The following CAST variants were observed in gnomAD, a reference collection of about 807,000 sequenced individuals.
CAST encodes calpastatin, also known as MIR583 host.
In CAST, 76 loss-of-function variants were observed where a neutral mutation model predicts 119.6. The ratio of observed to expected loss-of-function variants is 0.64; its 90% confidence interval spans 0.53 to 0.77. CAST has a LOEUF of 0.77. Among genes scored for constraint, CAST ranks in the 30% least tolerant of loss-of-function variants. The pLI is 0.00. For missense variants in CAST, 953 were observed against 946.5 expected, an observed-to-expected ratio of 1.01 and a Z score of -0.09; for synonymous variants, 319 against 331.6, an observed-to-expected ratio of 0.96 and a Z score of 0.41.
At chr5:96,074,115 C>G in the CAST span, among the ~76,000 whole-genome samples, 7 of 152,288 alleles carry the variant, frequency 4.6e-5, no homozygotes, top group South Asian at 2.1e-4. Flanking sequence ...CTAGTGAACA[C>G]CATGGAAGAG....
At chr5:96,326,895 A>G in the CAST span, among the ~76,000 whole-genome samples, 1 of 152,076 alleles carries the variant, frequency 6.6e-6, no homozygotes. Context: ...TCAGGGGCCA[A>G]TTTGTTACTT....
At chr5:96,621,012 C>T (rs1023998892) in intron 1 of CAST, among the ~76,000 whole-genome samples, 1 of 152,200 alleles carries the variant, frequency 6.6e-6, no homozygotes, top group Non-Finnish European at 1.5e-5. Flanking sequence ...TCTTAACTCT[C>T]CTCTTCTGAA....
chr5:96,252,901 G>A, the CAST span, among the ~76,000 whole-genome samples: 1 of 152,088 alleles, frequency 6.6e-6, no homozygotes, highest in South Asian at 2.1e-4. Flanking sequence ...CAGAATGACT[G>A]GAGTCTGACA....
the CAST span, among the ~76,000 whole-genome samples, chr5:96,099,761 A>C: frequency 5.9e-5 from 9 of 152,172 alleles, no homozygotes; most frequent in Non-Finnish European, 1.2e-4. Flanking sequence ...ATTGATGTTC[A>C]TCAAGGATAT....
At chr5:96,758,207 A>C (rs1766766723) in intron 24 of CAST, among the ~76,000 whole-genome samples, 1 of 152,176 alleles carries the variant, frequency 6.6e-6, no homozygotes, top group Non-Finnish European at 1.5e-5. Context: ...TTTAAATGTA[A>C]GCTTATCCAA....
chr5:96,642,467 T>A (rs977396022), intron 1 of CAST, among the ~76,000 whole-genome samples: 3 of 151,992 alleles, frequency 2.0e-5, no homozygotes, highest in Non-Finnish European at 4.4e-5. Context: ...GAGAACTGTT[T>A]AAACACTTTG....
the CAST span, among the ~76,000 whole-genome samples, chr5:96,368,629 G>T: frequency 1.1e-4 from 17 of 151,972 alleles, no homozygotes; most frequent in Non-Finnish European, 1.8e-4. Context: ...TGATCTCTCA[G>T]CCTGCTGCAG....
At chr5:96,373,844 T>C in the CAST span, among the ~76,000 whole-genome samples, 1 of 151,964 alleles carries the variant, frequency 6.6e-6, no homozygotes. Flanking sequence ...CTCCTGGGGC[T>C]CAAGCAATCC....
At position 96,730,004 on chromosome 5, in the gene CAST, AG is replaced by A. The variant is rs563991128; in HGVS notation, c.549+281del. Among the ~76,000 whole-genome samples the A allele has an allele frequency of 3.5e-3, 531 of 150,450 alleles. 2 individuals carry two copies. Among genetic ancestry groups the A allele is most frequent in the Non-Finnish European group, 6.3e-3 (426 of 67,844 alleles). On this transcript the variant is annotated intron_variant, in intron 8 of 31. Transcript: ENST00000675179. ...TAACCAGCTGTGACTGCAGGGCAGC[AG>A]GCTCTGCTGTCTCCCAGACAGGCAG...
chr5:96,038,848 T>G, the CAST span, among the ~76,000 whole-genome samples: 1 of 152,176 alleles, frequency 6.6e-6, no homozygotes, highest in Non-Finnish European at 1.5e-5. Context: ...GCACATGTCT[T>G]TGTCATAGAA....
chr5:96,047,852 G>A, the CAST span, among the ~76,000 whole-genome samples: 1 of 152,166 alleles, frequency 6.6e-6, no homozygotes, highest in African/African-American at 2.4e-5. Flanking sequence ...AATGAGGGAA[G>A]CCTGCTCTGG....
At chr5:96,090,855 ACAT>A in the CAST span, among the ~76,000 whole-genome samples, 1 of 151,732 alleles carries the variant, frequency 6.6e-6, no homozygotes, top group Admixed American at 6.6e-5. Context: ...GTACACACAT[ACAT>A]CAACTTCAGA....
At chr5:96,342,941 G>A in the CAST span, among the ~76,000 whole-genome samples, 2 of 152,124 alleles carry the variant, frequency 1.3e-5, no homozygotes, top group Non-Finnish European at 2.9e-5. Context: ...TTATGATACT[G>A]TAATTGAGCA....
At chr5:96,646,181 T>G (rs1020559752) in intron 1 of CAST, among the ~76,000 whole-genome samples, 6 of 152,204 alleles carry the variant, frequency 3.9e-5, no homozygotes, top group African/African-American at 1.4e-4. Context: ...GTTGAACTGG[T>G]GCAAAAATTT....
intron 1 of CAST, among the ~76,000 whole-genome samples, chr5:96,593,101 G>T (rs1746993919): frequency 6.6e-6 from 1 of 152,212 alleles, no homozygotes; most frequent in Non-Finnish European, 1.5e-5. Context: ...TTAAATCTCA[G>T]CTTCCTTTGT....
chr5:96,227,834 A>T, the CAST span, among the ~76,000 whole-genome samples: 1 of 151,894 alleles, frequency 6.6e-6, no homozygotes, highest in East Asian at 1.9e-4. Context: ...ACTTTCCCAC[A>T]CTCGCTTGTG....
the CAST span, among the ~76,000 whole-genome samples, chr5:96,502,674 T>C: frequency 2.0e-5 from 3 of 151,718 alleles, no homozygotes; most frequent in East Asian, 5.8e-4. Flanking sequence ...CTTCTATCCA[T>C]CTAAACATTG....
chr5:96,742,763 A>T lies in CAST; in HGVS notation c.1200+7A>T. 6.3e-7 allele frequency: 1 copy of T among 1,598,062 alleles called. No individual in the cohort carries two copies. The highest frequency in any genetic ancestry group is 8.6e-7 in the Non-Finnish European group (1 of 1,165,674). On this transcript the variant is annotated splice_region_variant and intron_variant, in intron 16 of 31. Coordinates refer to ENST00000675179, the MANE Select transcript of CAST (RefSeq NM_001750.7). Reference sequence around the variant, plus strand: ...AATTAAGGAAGTCGATGAGGTACTGACCTTAGAGTTGATTTACAAAGCTTG... The same window carrying T: ...AATTAAGGAAGTCGATGAGGTACTGTCCTTAGAGTTGATTTACAAAGCTTG...
chr5:96,295,234 A>C, the CAST span, among the ~76,000 whole-genome samples: 2 of 152,180 alleles, frequency 1.3e-5, no homozygotes, highest in Non-Finnish European at 2.9e-5. Context: ...AATGCCCCCC[A>C]TGGAGATGTA....
Sources: gnomAD v4.1 joint callset for allele counts (sites outside exome capture counted in the v4.1 genomes callset) on GRCh38, gnomAD v4.1.1 for gene constraint, MANE v1.5 for transcripts, NCBI Gene and HGNC (gene_info 2026-07-23, HGNC 2026-07-21) for gene names.